Variants in RGS7BP observed in about 807,000 individuals in gnomAD.
The protein encoded by RGS7BP is regulator of G protein signaling 7 binding protein, also known as regulator of G protein signaling 7-binding protein.
In RGS7BP, 9 loss-of-function variants were observed where a neutral mutation model predicts 31.3. The ratio of observed to expected loss-of-function variants is 0.29; its 90% CI spans 0.17 to 0.50. RGS7BP has a LOEUF of 0.50. RGS7BP is among the 20% of genes least tolerant of loss of function. The probability of loss-of-function intolerance (pLI) is 0.98; values close to 1 mark genes in which losing one functional copy is unlikely to be tolerated. For synonymous variants in RGS7BP, 115 were observed against 120.1 expected, an observed-to-expected ratio of 0.96 and a Z score of 0.28; for missense variants, 274 against 322.0, an observed-to-expected ratio of 0.85 and a Z score of 1.14.
chr5:64,507,428 T>C (rs149339421), intron 1 of RGS7BP, among the ~76,000 whole-genome samples: 1 of 152,254 alleles, frequency 6.6e-6, no homozygotes, highest in East Asian at 1.9e-4. Flanking sequence ...GCTCCAAATA[T>C]GCTCTCTTGC....
rs768773770 is a variant in RGS7BP at position 64,609,215 on chromosome 5, G to T, written c.737G>T (p.Arg246Ile). The T allele has an allele frequency of 6.2e-7, 1 of 1,611,478 alleles. No homozygotes were observed. Among genetic ancestry groups the T allele is most frequent in the Non-Finnish European group, 8.5e-7 (1 of 1,178,056 alleles). The change falls in exon 6 of 6, where the codon AGA (arginine) becomes ATA (isoleucine). Residue 246 changes from arginine to isoleucine, a missense_variant. Transcript: ENST00000334025. ...TPYPLVRRRK[R>I]RFFGLCCLIS... ...TACCCCCTGGTGAGAAGACGGAAGA[G>T]AAGGTTCTTTGGGCTGTGTTGTCTC...
chr5:64,523,975 T>C (rs554056844), intron 2 of RGS7BP, among the ~76,000 whole-genome samples: 1 of 152,342 alleles, frequency 6.6e-6, no homozygotes, highest in South Asian at 2.1e-4. Flanking sequence ...TAACAGAGTC[T>C]GAGGTCCACA....
chr5:64,509,201 GA>G lies in RGS7BP; in HGVS notation c.332+1334del, dbSNP rs924229860. On this transcript the variant is annotated intron_variant, in intron 2 of 5. Coordinates refer to ENST00000334025, the MANE Select transcript of RGS7BP (RefSeq NM_001029875.3). Reference sequence around the variant, plus strand: ...TAAATCTCAGACAAGGAGAGAGACAGAAAAAAAAAATCAGAAATGTGAAGGA... The same window carrying G: ...TAAATCTCAGACAAGGAGAGAGACAGAAAAAAAAATCAGAAATGTGAAGGA... Among the ~76,000 whole-genome samples, 11 of 148,546 alleles carry G rather than the reference GA, an allele frequency of 7.4e-5. No individual in the cohort carries two copies. The South Asian group carries it at 8.5e-4, about 11-fold the overall frequency.
chr5:64,553,171 C>CTTTTTTTTTTTTTT (rs542252038), intron 2 of RGS7BP, among the ~76,000 whole-genome samples: 14 of 118,210 alleles, frequency 1.2e-4, no homozygotes, highest in Admixed American at 3.0e-4. Flanking sequence ...TTCTTTCTTT[C>CTTTTTTTTTTTTTT]TTTTTTTTTT....
chr5:64,539,029 T>C (rs1270175179), intron 2 of RGS7BP, among the ~76,000 whole-genome samples: 1 of 152,198 alleles, frequency 6.6e-6, no homozygotes, highest in East Asian at 1.9e-4. Flanking sequence ...TTTAATGACA[T>C]CTTCAGTACT....
chr5:64,595,859 G>A (rs1448558260), intron 4 of RGS7BP, among the ~76,000 whole-genome samples: 3 of 152,058 alleles, frequency 2.0e-5, no homozygotes, highest in African/African-American at 4.8e-5. Context: ...GCTAATTACC[G>A]AATTTCTGTG....
chr5:64,588,929 TA>T (rs924543594), intron 3 of RGS7BP, among the ~76,000 whole-genome samples: 30 of 148,890 alleles, frequency 2.0e-4, no homozygotes, highest in South Asian at 4.3e-4. Context: ...TCCCCAACCC[TA>T]AAAAAAAAAT....
intron 3 of RGS7BP, among the ~76,000 whole-genome samples, chr5:64,582,514 A>T (rs943164847): frequency 2.0e-5 from 3 of 152,186 alleles, no homozygotes; most frequent in Non-Finnish European, 2.9e-5. Context: ...CATAGCTTAC[A>T]GCAAAATTGT....
At chr5:64,573,396 C>A (rs776703313) in intron 2 of RGS7BP, among the ~76,000 whole-genome samples, 1 of 151,942 alleles carries the variant, frequency 6.6e-6, no homozygotes, top group Admixed American at 6.6e-5. Flanking sequence ...ATGAAGTTTG[C>A]GTATTTTTGG....
At chr5:64,582,300 G>A (rs1447126492) in intron 3 of RGS7BP, among the ~76,000 whole-genome samples, 1 of 152,204 alleles carries the variant, frequency 6.6e-6, no homozygotes, top group Non-Finnish European at 1.5e-5. Flanking sequence ...GAATGATCCT[G>A]CCATTTTGAC....
At chr5:64,588,940 T>A (rs2111940477) in intron 3 of RGS7BP, among the ~76,000 whole-genome samples, 1 of 151,660 alleles carries the variant, frequency 6.6e-6, no homozygotes, top group East Asian at 1.9e-4. Flanking sequence ...AAAAAAAAAA[T>A]AAATATCTAA....
chr5:64,559,903 T>A (rs1742012981), intron 2 of RGS7BP, among the ~76,000 whole-genome samples: 1 of 152,138 alleles, frequency 6.6e-6, no homozygotes, highest in Non-Finnish European at 1.5e-5. Context: ...TGAAAGGCCC[T>A]CCTCAAACTA....
At position 64,609,252 on chromosome 5, in the gene RGS7BP, G is replaced by A. The variant is rs766845329; in HGVS notation, c.774G>A (p.Ter258=). ...GGCTGTGTTGTCTCATCTCAAGCTA[G>A]GTGGCTCCTCCTGGAAACCCACTGA... ...FFGLCCLISS[*] is the part of the protein sequence containing the mutation. Residue 258 remains the stop codon, a stop_retained_variant, in exon 6 of 6, where the codon TAG becomes TAA. Transcript: ENST00000334025. 2 of 1,576,140 alleles carry A rather than the reference G, an allele frequency of 1.3e-6. No homozygotes were observed. Among genetic ancestry groups the A allele is most frequent in the Admixed American group, 1.7e-5 (1 of 59,780 alleles).
chr5:64,562,093 T>C (rs1400053415), intron 2 of RGS7BP, among the ~76,000 whole-genome samples: 1 of 152,180 alleles, frequency 6.6e-6, no homozygotes, highest in African/African-American at 2.4e-5. Flanking sequence ...CAATTTGTGT[T>C]AGAGGAGACT....
Position 64,610,275 on chromosome 5 carries a change from C to G in RGS7BP, c.*1023C>G, listed in dbSNP as rs1273997112. The G allele has an allele frequency of 6.6e-6, 1 of 152,404 alleles. No individual in the cohort carries two copies. Among genetic ancestry groups the G allele is most frequent in the Non-Finnish European group, 1.5e-5 (1 of 67,922 alleles). 9.4% of individuals were successfully genotyped at this position (152,404 alleles called of 1,614,324 possible). A position where few individuals can be genotyped will look rare whatever the true frequency, so the allele number is the denominator to read the frequency against. On this transcript the variant is annotated 3_prime_UTR_variant, in exon 6 of 6. Coordinates refer to ENST00000334025, the MANE Select transcript of RGS7BP (RefSeq NM_001029875.3). ...TGGTGTCTTGTCTTATGCTTAGACT[C>G]TTGAAAGCAGGACACATTAAGCAAT...
At chr5:64,575,197 A>G (rs1474341036) in intron 2 of RGS7BP, among the ~76,000 whole-genome samples, 1 of 152,134 alleles carries the variant, frequency 6.6e-6, no homozygotes, top group Non-Finnish European at 1.5e-5. Flanking sequence ...TTAGAATTTT[A>G]TTACTTTTTT....
At chr5:64,584,934 A>G (rs1001235488) in intron 3 of RGS7BP, among the ~76,000 whole-genome samples, 1 of 152,230 alleles carries the variant, frequency 6.6e-6, no homozygotes, top group African/African-American at 2.4e-5. Context: ...TTTAAGTTAC[A>G]TGCTTTTTAG....
At chr5:64,517,536 T>G (rs1749007632) in intron 2 of RGS7BP, among the ~76,000 whole-genome samples, 1 of 152,228 alleles carries the variant, frequency 6.6e-6, no homozygotes, top group South Asian at 2.1e-4. Flanking sequence ...CCTATTCATC[T>G]ACATATATGG....
chr5:64,556,436 C>G (rs1457431984), intron 2 of RGS7BP, among the ~76,000 whole-genome samples: 16 of 140,002 alleles, frequency 1.1e-4, no homozygotes, highest in African/African-American at 4.8e-4. Flanking sequence ...CACACACACA[C>G]ACACACACAC....
Sources: gnomAD v4.1 joint callset for allele counts (sites outside exome capture counted in the v4.1 genomes callset) on GRCh38, gnomAD v4.1.1 for gene constraint, MANE v1.5 for transcripts, NCBI Gene and HGNC (gene_info 2026-07-23, HGNC 2026-07-21) for gene names.